Variants in IRF8 observed in about 807,000 individuals in gnomAD.
IRF8 encodes the protein interferon consensus sequence binding protein 1.
A neutral mutation model predicts 48.7 loss-of-function variants in IRF8; 14 were observed. The ratio of observed to expected loss-of-function variants is 0.29; its 90% CI spans 0.19 to 0.45. The LOEUF (loss-of-function observed/expected upper bound fraction) is 0.45. IRF8 is among the 20% of genes least tolerant of loss of function. The probability of loss-of-function intolerance (pLI) is 1.00; values close to 1 mark genes in which losing one functional copy is unlikely to be tolerated. For missense variants in IRF8, 493 were observed against 580.7 expected, an observed-to-expected ratio of 0.85 and a Z score of 1.55; for synonymous variants, 278 against 227.3, an observed-to-expected ratio of 1.22 and a Z score of -2.01.
intron 2 of IRF8, among the ~76,000 whole-genome samples, chr16:85,906,064 A>G (rs574414785): frequency 1.3e-5 from 2 of 152,276 alleles, no homozygotes; most frequent in South Asian, 2.1e-4. Flanking sequence ...ACAAGGGGGG[A>G]AAATCTAGTT....
chr16:85,902,526 C>T (rs1904856284), intron 1 of IRF8, among the ~76,000 whole-genome samples: 1 of 152,232 alleles, frequency 6.6e-6, no homozygotes, highest in African/African-American at 2.4e-5. Flanking sequence ...AGGGCCTCCT[C>T]TTTCCCAGAC....
At chr16:85,908,784 G>A (rs868710816) in intron 2 of IRF8, among the ~76,000 whole-genome samples, 3 of 152,162 alleles carry the variant, frequency 2.0e-5, no homozygotes, top group African/African-American at 7.2e-5. Flanking sequence ...CCCCTCCCTG[G>A]CTTGGGTCTT....
At chr16:85,918,860 G>C in intron 7 of IRF8, 57 bp downstream of exon 7, 1 of 1,595,272 alleles carries the variant, frequency 6.3e-7, no homozygotes, top group Non-Finnish European at 8.5e-7. Context: ...CCTCCTATCT[G>C]TGTGCCATTT....
intron 5 of IRF8, chr16:85,914,148 A>T (rs2152102239): frequency 2.5e-6 from 1 of 398,432 alleles, no homozygotes; most frequent in Non-Finnish European, 4.8e-6. Flanking sequence ...GGTGGTGGGT[A>T]TGCAGTCCAG....
At position 85,921,446 on chromosome 16, in the gene IRF8, C is replaced by A. The variant is rs568971690; in HGVS notation, c.*164C>A. 2.9e-5 allele frequency: 22 copies of A among 767,380 alleles called. No homozygotes were observed. The highest frequency in any genetic ancestry group is 3.0e-4 in the Middle Eastern group (1 of 3,388). 47.5% of individuals were successfully genotyped at this position (767,380 alleles called of 1,614,324 possible). ...TTCTCGGAGGAGTAGACGTTTAATA[C>A]GAAGTGGCGGCATAGCCCTGCCGAG... On this transcript the variant is annotated 3_prime_UTR_variant, in exon 9 of 9. Transcript: ENST00000268638.
In IRF8 at chr16:85,921,168, T is replaced by C. The variant is rs1320498068; in HGVS notation, c.1167T>C (p.Ser389=). The C allele has an allele frequency of 6.2e-7, 1 of 1,614,222 alleles. No homozygotes were observed. The highest frequency in any genetic ancestry group is 8.5e-7 in the Non-Finnish European group (1 of 1,180,042). The stretch of plus-strand genomic sequence containing the variant: ...CTGGGAAGAGCTGTGGAGCCGGCTC[T>C]GTGATGCAGGCCCCCGAGGAGCCGC... The part of the protein sequence containing the change: ...EEAGKSCGAG[S]VMQAPEEPPP... Residue 389 remains serine, a synonymous_variant, in exon 9 of 9, where the codon TCT becomes TCC. Coordinates refer to ENST00000268638, the MANE Select transcript of IRF8 (RefSeq NM_002163.4).
chr16:85,908,318 C>CT (rs558146364), intron 2 of IRF8, among the ~76,000 whole-genome samples: 125 of 152,086 alleles, frequency 8.2e-4, no homozygotes, highest in Non-Finnish European at 1.5e-3. Context: ...TACATTATGA[C>CT]TTTAAGATTT....
intron 1 of IRF8, among the ~76,000 whole-genome samples, chr16:85,902,299 G>A (rs1157391793): frequency 6.6e-6 from 1 of 152,200 alleles, no homozygotes; most frequent in Non-Finnish European, 1.5e-5. Flanking sequence ...TGTCTCAGTT[G>A]CTTTCCGTGT....
At chr16:85,899,380 T>C (rs1904747732) in intron 1 of IRF8, among the ~76,000 whole-genome samples, 157 bp downstream of exon 1, 1 of 152,236 alleles carries the variant, frequency 6.6e-6, no homozygotes, top group African/African-American at 2.4e-5. Context: ...TTTGCCTATT[T>C]TCCAGCCACC....
At chr16:85,905,737 C>G (rs1042222772) in intron 2 of IRF8, among the ~76,000 whole-genome samples, 29 of 152,246 alleles carry the variant, frequency 1.9e-4, no homozygotes, top group African/African-American at 7.0e-4. Context: ...GTAGAGCCAT[C>G]TTAGGGATTT....
At chr16:85,914,377 G>A in intron 5 of IRF8, 96 bp from the exon 6 acceptor site, 3 of 1,450,630 alleles carry the variant, frequency 2.1e-6, no homozygotes, top group Non-Finnish European at 2.9e-6. Context: ...GCCATGTGCA[G>A]CCTTTTAAGG....
chr16:85,899,650 G>A (rs757464916), intron 1 of IRF8, among the ~76,000 whole-genome samples: 1 of 152,248 alleles, frequency 6.6e-6, no homozygotes, highest in Non-Finnish European at 1.5e-5. Context: ...GTTACTGAGG[G>A]TTAGTTTGTG....
Position 85,899,387 on chromosome 16 carries a change from C to G in IRF8, c.-2+164C>G, listed in dbSNP as rs1034892807. On this transcript the variant is annotated intron_variant, in intron 1 of 8. Coordinates refer to ENST00000268638, the MANE Select transcript of IRF8 (RefSeq NM_002163.4). ...CTCTGCTTTTTGCCTATTTTCCAGC[C>G]ACCTAAGTCCAATCTGAATGCCCAA... Among the ~76,000 whole-genome samples, 3 of 152,258 alleles carry G rather than the reference C, an allele frequency of 2.0e-5. No individual in the cohort carries two copies. The South Asian group carries it at 6.2e-4, about 31-fold the overall frequency.
At chr16:85,915,099 TC>T (rs1429864216) in intron 6 of IRF8, among the ~76,000 whole-genome samples, 2 of 135,128 alleles carry the variant, frequency 1.5e-5, no homozygotes, top group African/African-American at 2.9e-5. Context: ...ATGCAGCTGT[TC>T]CCATTTCGCG....
intron 2 of IRF8, among the ~76,000 whole-genome samples, chr16:85,903,705 C>G (rs1357292485): frequency 2.6e-5 from 4 of 152,182 alleles, no homozygotes; most frequent in Admixed American, 2.0e-4. Context: ...AGTCTCACCT[C>G]CCTTGAGAGT....
At chr16:85,899,666 G>C (rs558060023) in intron 1 of IRF8, among the ~76,000 whole-genome samples, 1 of 152,256 alleles carries the variant, frequency 6.6e-6, no homozygotes, top group East Asian at 1.9e-4. Context: ...TTGTGAAGGA[G>C]GGGACAGACT....
At chr16:85,908,393 T>TA (rs945804600) in intron 2 of IRF8, among the ~76,000 whole-genome samples, 6 of 151,988 alleles carry the variant, frequency 3.9e-5, no homozygotes, top group Admixed American at 2.0e-4. Flanking sequence ...ACAGATCTAT[T>TA]AAAAAAAACA....
intron 2 of IRF8, 125 bp downstream of exon 2, chr16:85,903,314 C>T (rs1034120910): frequency 2.1e-6 from 2 of 953,218 alleles, no homozygotes; most frequent in Non-Finnish European, 3.2e-6. Context: ...TAAAAGCAAA[C>T]ATTGGTTCAG....
At chr16:85,905,598 T>C (rs1904974841) in intron 2 of IRF8, among the ~76,000 whole-genome samples, 1 of 152,106 alleles carries the variant, frequency 6.6e-6, no homozygotes, top group African/African-American at 2.4e-5. Flanking sequence ...GGTGGAGACA[T>C]GGCGCCAGCA....
Sources: allele counts gnomAD v4.1 joint callset (sites outside exome capture counted in the v4.1 genomes callset), GRCh38; gene constraint gnomAD v4.1.1; transcripts MANE v1.5; gene names NCBI Gene and HGNC (gene_info 2026-07-23, HGNC 2026-07-21).